PSORS1C1: variants seen among roughly 807,000 people sequenced by gnomAD.
The protein encoded by PSORS1C1 is psoriasis susceptibility 1 candidate 1, also known as psoriasis susceptibility 1 candidate gene 1 protein.
Under a neutral mutation model 9.4 loss-of-function variants are expected in PSORS1C1, and 7 were observed. The ratio of observed to expected loss-of-function variants is 0.75; its 90% CI spans 0.42 to 1.40. PSORS1C1 has a LOEUF of 1.40. Among genes scored for constraint, PSORS1C1 ranks in the 40% most tolerant of loss-of-function variants. PSORS1C1 has a pLI of 0.01. For synonymous variants in PSORS1C1, 63 were observed against 69.4 expected, an observed-to-expected ratio of 0.91 and a Z score of 0.46; for missense variants, 146 against 178.1, an observed-to-expected ratio of 0.82 and a Z score of 1.02.
chr6:31,116,908 G>A lies in PSORS1C1; in HGVS notation c.-229+2017G>A, dbSNP rs1299688744. On this transcript the variant is annotated intron_variant, in intron 1 of 5. Coordinates refer to ENST00000259881, the MANE Select transcript of PSORS1C1 (RefSeq NM_014068.3). The stretch of plus-strand genomic sequence containing the variant: ...GTGGGAGCTGGGGATGTAGGGGCCG[G>A]AGTGCGAGACGATGGGCCCTCCACT... The A allele has an allele frequency of 3.7e-6, 6 of 1,614,010 alleles. No homozygotes were observed. The highest frequency in any genetic ancestry group is 5.1e-6 in the Non-Finnish European group (6 of 1,179,972).
chr6:31,135,427 A>G (rs1208745583), intron 3 of PSORS1C1, among the ~76,000 whole-genome samples: 1 of 152,034 alleles, frequency 6.6e-6, no homozygotes, highest in Non-Finnish European at 1.5e-5. Context: ...ACCATTGTCC[A>G]GGCTGGTCTT....
At position 31,138,679 on chromosome 6, in the gene PSORS1C1, G is replaced by T. The variant is rs753876631; in HGVS notation, c.67G>T (p.Gly23Ter). The change falls in exon 5 of 6, where the codon GGA becomes TGA. Residue 23 changes from glycine (G) to a stop codon, truncating the protein, a stop_gained. Coordinates refer to ENST00000259881, the MANE Select transcript of PSORS1C1 (RefSeq NM_014068.3). LOFTEE classifies it high-confidence loss of function. ...ALGTQTPALQ[G>*]PQLLNTDPSS... ...AGGCACACAGACCCCAGCTTTACAAGGACCCCAGCTCCTTAACACAGATCC... is the reference window on the plus strand; with the variant it reads ...AGGCACACAGACCCCAGCTTTACAATGACCCCAGCTCCTTAACACAGATCC... 1.1e-5 allele frequency: 17 copies of T among 1,613,112 alleles called. No homozygotes were observed. In the Middle Eastern group the frequency reaches 4.9e-4, roughly 47 times the overall value.
chr6:31,128,948 C>CA lies in PSORS1C1; in HGVS notation c.-64-620dup, dbSNP rs1772794653. Among the ~76,000 whole-genome samples, 1 of 152,170 alleles carries CA rather than the reference C, an allele frequency of 6.6e-6. No homozygotes were observed. The highest frequency in any genetic ancestry group is 2.1e-4 in the South Asian group (1 of 4,832). ...GGACTGTCACCATCACATAGCACCC[C>CA]ACAGAGCAGATGCTCAATGAATGTT... is the stretch of plus-strand genomic sequence containing the variant. On this transcript the variant is annotated intron_variant, in intron 2 of 5. Coordinates refer to ENST00000259881, the MANE Select transcript of PSORS1C1 (RefSeq NM_014068.3). The surrounding 1 kb of genome is among the most constrained non-coding windows in gnomAD (Gnocchi z 4.3).
chr6:31,124,505 C>T (rs1455827102), intron 1 of PSORS1C1, among the ~76,000 whole-genome samples: 1 of 152,210 alleles, frequency 6.6e-6, no homozygotes, highest in African/African-American at 2.4e-5. Context: ...AAGATTCAAA[C>T]CCAGGCCTGT....
chr6:31,116,619 G>T, intron 1 of PSORS1C1: 1 of 1,613,260 alleles, frequency 6.2e-7, no homozygotes, highest in Non-Finnish European at 8.5e-7. Flanking sequence ...CCCCTGGAGA[G>T]CCTTTCACAG....
At chr6:31,135,342 T>A (rs1004791983) in intron 3 of PSORS1C1, among the ~76,000 whole-genome samples, 2 of 152,136 alleles carry the variant, frequency 1.3e-5, no homozygotes, top group African/African-American at 4.8e-5. Context: ...GTTCAAGCAA[T>A]TCTCATGCCC....
intron 1 of PSORS1C1, among the ~76,000 whole-genome samples, chr6:31,125,186 T>C (rs1271677474): frequency 6.6e-6 from 1 of 152,194 alleles, no homozygotes; most frequent in African/African-American, 2.4e-5. Flanking sequence ...TATTTTGTGC[T>C]GAGGAGAGAA....
intron 1 of PSORS1C1, chr6:31,117,275 G>C (rs1022856089): frequency 6.2e-7 from 1 of 1,605,388 alleles, no homozygotes; most frequent in Non-Finnish European, 8.5e-7. Context: ...TAGCTGACCT[G>C]GGAATACCCC....
At position 31,115,509 on chromosome 6, in the gene PSORS1C1, G is replaced by A. The variant is rs3094219; in HGVS notation, c.-229+618G>A. On this transcript the variant is annotated intron_variant, in intron 1 of 5. Coordinates refer to ENST00000259881, the MANE Select transcript of PSORS1C1 (RefSeq NM_014068.3). This position sits in a 1 kb window ranked among gnomAD's most constrained non-coding sequence, Gnocchi z 4.2. The stretch of plus-strand genomic sequence containing the variant: ...GAGGGTGGGGTGGAATTGGGAGCGA[G>A]AGCCCAGTGGCATATTGGGTGGGTT... The A allele has an allele frequency of 0.57, 93,734 of 164,538 alleles. 27,572 individuals carry two copies. Among genetic ancestry groups the A allele is most frequent in the East Asian group, 0.7 (3,983 of 5,692 alleles). 10.2% of individuals were successfully genotyped at this position (164,538 alleles called of 1,614,324 possible).
At chr6:31,123,834 T>C (rs961850266) in intron 1 of PSORS1C1, among the ~76,000 whole-genome samples, 2 of 152,254 alleles carry the variant, frequency 1.3e-5, no homozygotes, top group African/African-American at 4.8e-5. Flanking sequence ...CCTGAGGAGC[T>C]GCCATCCAGC....
intron 1 of PSORS1C1, chr6:31,120,545 C>A: frequency 1.2e-6 from 1 of 857,084 alleles, no homozygotes; most frequent in Non-Finnish European, 1.9e-6. Flanking sequence ...GGGTGGGTGC[C>A]CCAGGGGAAG....
chr6:31,116,680 G>C (rs1358942612), intron 1 of PSORS1C1: 2 of 1,612,692 alleles, frequency 1.2e-6, no homozygotes, highest in Non-Finnish European at 1.7e-6. Flanking sequence ...CTTACTGTAG[G>C]TCATGCCTGG....
At chr6:31,116,491 C>T in intron 1 of PSORS1C1, 1 of 1,608,308 alleles carries the variant, frequency 6.2e-7, no homozygotes, top group Non-Finnish European at 8.5e-7. Context: ...CTGGACCCCA[C>T]CAGTCCCCAC....
At chr6:31,123,443 C>A (rs1359931500) in intron 1 of PSORS1C1, among the ~76,000 whole-genome samples, 1 of 152,248 alleles carries the variant, frequency 6.6e-6, no homozygotes, top group Non-Finnish European at 1.5e-5. Flanking sequence ...TGAGTGCCCA[C>A]ACAGGCCAGG....
At chr6:31,125,031 C>T (rs899756016) in intron 1 of PSORS1C1, among the ~76,000 whole-genome samples, 7 of 151,954 alleles carry the variant, frequency 4.6e-5, no homozygotes, top group Non-Finnish European at 1.0e-4. Flanking sequence ...TCCTCCACAG[C>T]TTTCCTCCTC....
chr6:31,126,479 G>A (rs565270539), intron 2 of PSORS1C1, among the ~76,000 whole-genome samples: 2 of 152,238 alleles, frequency 1.3e-5, no homozygotes, highest in East Asian at 1.9e-4. Context: ...ATTATTCCTG[G>A]TGTGGGCGGT....
Position 31,138,731 on chromosome 6 carries a change from A to C in PSORS1C1, c.119A>C (p.His40Pro). The C allele has an allele frequency of 6.2e-7, 1 of 1,607,918 alleles. No homozygotes were observed. The highest frequency in any genetic ancestry group is 8.5e-7 in the Non-Finnish European group (1 of 1,177,016). The change falls in exon 5 of 6, where the codon CAC (histidine) becomes CCC (proline). Residue 40 changes from histidine to proline, a missense_variant. Coordinates refer to ENST00000259881, the MANE Select transcript of PSORS1C1 (RefSeq NM_014068.3). ...AGCTCCGAGGAAACTCGTCCCCCCC[A>C]CGTTAATCCTGACCGACTTTGCCAC... is the stretch of plus-strand genomic sequence containing the variant. ...DPSSEETRPP[H>P]VNPDRLCHME... is the part of the protein sequence containing the mutation.
At chr6:31,116,460 C>T (rs577480509) in intron 1 of PSORS1C1, 29 of 1,594,222 alleles carry the variant, frequency 1.8e-5, no homozygotes, top group African/African-American at 1.6e-4. Context: ...CCTTGGAGCC[C>T]GTGGAGCCGC....
chr6:31,119,648 C>T (rs1772355949), intron 1 of PSORS1C1, among the ~76,000 whole-genome samples: 1 of 152,338 alleles, frequency 6.6e-6, no homozygotes, highest in Non-Finnish European at 1.5e-5. Context: ...CCTGTAATCC[C>T]AGCACCTTGG....
Sources: gnomAD v4.1 joint callset for allele counts (sites outside exome capture counted in the v4.1 genomes callset) on GRCh38, gnomAD v4.1.1 for gene constraint, Gnocchi (gnomAD v3.1) non-coding constraint, MANE v1.5 for transcripts, NCBI Gene and HGNC (gene_info 2026-07-23, HGNC 2026-07-21) for gene names.